C8orf34: variants seen among roughly 807,000 people sequenced by gnomAD.
The protein encoded by C8orf34 is uncharacterized protein C8orf34.
In C8orf34, 65 loss-of-function variants were observed where a neutral mutation model predicts 68.3. The ratio of observed to expected loss-of-function variants is 0.95; its 90% CI spans 0.78 to 1.17. C8orf34 has a LOEUF of 1.17. Ranked by LOEUF, C8orf34 falls within the 50% of genes most tolerant of loss-of-function variation. C8orf34 has a pLI of 0.00. For missense variants in C8orf34, 664 were observed against 655.4 expected (o/e 1.01, Z -0.14); for synonymous variants, 244 against 241.2 (o/e 1.01, Z -0.11).
At chr8:68,686,846 C>T (rs139335437) in intron 8 of C8orf34, among the ~76,000 whole-genome samples, 272 of 152,166 alleles carry the variant, frequency 1.8e-3, no homozygotes, top group Middle Eastern at 6.8e-3. Context: ...GTGCTGTTCA[C>T]CAATGATATT....
At chr8:68,530,174 C>T (rs1815183851) in intron 6 of C8orf34, among the ~76,000 whole-genome samples, 1 of 151,834 alleles carries the variant, frequency 6.6e-6, no homozygotes, top group South Asian at 2.1e-4. Flanking sequence ...GAGCTATTTG[C>T]CAGGCACTAT....
At chr8:68,706,735 A>G (rs753108122) in intron 8 of C8orf34, among the ~76,000 whole-genome samples, 10 of 152,218 alleles carry the variant, frequency 6.6e-5, no homozygotes, top group African/African-American at 1.9e-4. Context: ...ATGAATATCA[A>G]AATCACTCAG....
intron 10 of C8orf34, among the ~76,000 whole-genome samples, chr8:68,747,917 C>T (rs1344808644): frequency 8.5e-5 from 13 of 152,112 alleles, no homozygotes; most frequent in Admixed American, 2.0e-4. Context: ...AAAAAGAGCC[C>T]GCATCGCCAA....
At chr8:68,707,566 T>C (rs903796549) in intron 8 of C8orf34, among the ~76,000 whole-genome samples, 2 of 152,148 alleles carry the variant, frequency 1.3e-5, no homozygotes, top group African/African-American at 4.8e-5. Context: ...ATTTTCTTTT[T>C]AGGTTTAAAA....
chr8:68,574,432 A>G (rs560336047), intron 7 of C8orf34, among the ~76,000 whole-genome samples: 37 of 152,188 alleles, frequency 2.4e-4, no homozygotes, highest in African/African-American at 8.4e-4. Flanking sequence ...CAAAATTAGC[A>G]TAAGATTAGT....
At chr8:68,528,449 T>G (rs934134991) in intron 6 of C8orf34, among the ~76,000 whole-genome samples, 4 of 152,230 alleles carry the variant, frequency 2.6e-5, no homozygotes, top group African/African-American at 7.2e-5. Flanking sequence ...ATTTTTCTCC[T>G]TAGTCAGGTT....
intron 8 of C8orf34, among the ~76,000 whole-genome samples, chr8:68,653,860 C>T (rs1444483737): frequency 6.6e-6 from 1 of 152,112 alleles, no homozygotes; most frequent in African/African-American, 2.4e-5. Flanking sequence ...CTAATTTTCT[C>T]TTGGTGCATA....
chr8:68,670,492 T>G (rs1819975402), intron 8 of C8orf34, among the ~76,000 whole-genome samples: 1 of 152,220 alleles, frequency 6.6e-6, no homozygotes, highest in Non-Finnish European at 1.5e-5. Flanking sequence ...AGAGATTACC[T>G]GGAAGACCTT....
At chr8:68,784,806 G>GTGTGTGTA (rs1554613512) in intron 11 of C8orf34, among the ~76,000 whole-genome samples, 5 of 149,258 alleles carry the variant, frequency 3.3e-5, no homozygotes, top group South Asian at 2.1e-4. Context: ...GTGTGTATGT[G>GTGTGTGTA]TGTGTGTGTG....
At chr8:68,773,246 C>T (rs1166392972) in intron 10 of C8orf34, among the ~76,000 whole-genome samples, 1 of 152,072 alleles carries the variant, frequency 6.6e-6, no homozygotes, top group Non-Finnish European at 1.5e-5. Context: ...TTGGATCAAG[C>T]CTCTTGACTT....
chr8:68,455,792 T>A (rs1032437891), intron 3 of C8orf34, among the ~76,000 whole-genome samples: 1 of 152,084 alleles, frequency 6.6e-6, no homozygotes, highest in African/African-American at 2.4e-5. Flanking sequence ...GATATTTTCT[T>A]AACTAAAATA....
At chr8:68,575,614 C>T (rs895434918) in intron 7 of C8orf34, among the ~76,000 whole-genome samples, 1 of 152,020 alleles carries the variant, frequency 6.6e-6, no homozygotes, top group Non-Finnish European at 1.5e-5. Flanking sequence ...ATAATCTCTA[C>T]AGCTCATACA....
At chr8:68,332,990 A>G (rs1049493363) in intron 1 of C8orf34, among the ~76,000 whole-genome samples, 1 of 152,240 alleles carries the variant, frequency 6.6e-6, no homozygotes, top group Non-Finnish European at 1.5e-5. Flanking sequence ...CGAAAGAATC[A>G]TAAAATACAT....
chr8:68,571,631 T>G (rs1203658881), intron 7 of C8orf34, among the ~76,000 whole-genome samples: 2 of 152,216 alleles, frequency 1.3e-5, no homozygotes, highest in African/African-American at 4.8e-5. Flanking sequence ...ATTCTTTTGG[T>G]GTGCAAGCTT....
At chr8:68,422,374 G>A (rs1000285326) in intron 1 of C8orf34, among the ~76,000 whole-genome samples, 25 of 152,126 alleles carry the variant, frequency 1.6e-4, no homozygotes, top group African/African-American at 5.8e-4. Context: ...AAACAGAGGG[G>A]CTACAGGCCC....
rs75919492 is a variant in C8orf34, at chr8:68,401,806, T to A, written c.328-37693T>A. On this transcript the variant is annotated intron_variant, in intron 1 of 13. Transcript: ENST00000518698. ...GTTGTGATTCAGTTTGCTAATGTTT[T>A]ATTGAGGACTTTTTGCGTCTATGTT... Among the ~76,000 whole-genome samples, 1,347 of 152,136 alleles carry A rather than the reference T, an allele frequency of 8.9e-3. 26 individuals carry two copies. The highest frequency in any genetic ancestry group is 0.03 in the African/African-American group (1,263 of 41,532).
chr8:68,536,723 G>C (rs1283702443), intron 7 of C8orf34, among the ~76,000 whole-genome samples: 1 of 151,926 alleles, frequency 6.6e-6, no homozygotes, highest in African/African-American at 2.4e-5. Context: ...TGATGATGAG[G>C]CAAGTATATA....
chr8:68,368,597 T>C (rs1307503736), intron 1 of C8orf34, among the ~76,000 whole-genome samples: 1 of 152,150 alleles, frequency 6.6e-6, no homozygotes, highest in Non-Finnish European at 1.5e-5. Flanking sequence ...ATTAGCTTTT[T>C]TGTGTTAGGT....
chr8:68,620,204 G>A (rs1032913363), intron 7 of C8orf34, among the ~76,000 whole-genome samples: 1 of 152,174 alleles, frequency 6.6e-6, no homozygotes, highest in East Asian at 1.9e-4. Context: ...GGAGCCCCCA[G>A]TTCCTGTGTG....
Sources: gnomAD v4.1 joint callset for allele counts (sites outside exome capture counted in the v4.1 genomes callset) on GRCh38, gnomAD v4.1.1 for gene constraint, MANE v1.5 for transcripts, NCBI Gene and HGNC (gene_info 2026-07-23, HGNC 2026-07-21) for gene names.